ANKLE2: variants seen among roughly 807,000 people sequenced by gnomAD.
ANKLE2 encodes ankyrin repeat and LEM domain-containing protein 2.
Under a neutral mutation model 84.2 loss-of-function variants are expected in ANKLE2, and 55 were observed. The ratio of observed to expected loss-of-function variants is 0.65; its 90% CI spans 0.53 to 0.82. The LOEUF is 0.82. ANKLE2 is among the 40% of genes least tolerant of loss of function. ANKLE2 has a pLI of 0.00. For synonymous variants in ANKLE2, 551 were observed against 486.1 expected (o/e 1.13, Z -1.76); for missense variants, 1,238 against 1,201.9 (o/e 1.03, Z -0.44).
At chr12:132,732,947 T>C (rs1467373901) in intron 10 of ANKLE2, among the ~76,000 whole-genome samples, 1 of 128,304 alleles carries the variant, frequency 7.8e-6, no homozygotes. Context: ...CGTGTGAAGC[T>C]CTCTGCGTCC....
intron 5 of ANKLE2, among the ~76,000 whole-genome samples, chr12:132,744,902 G>A (rs1176748026): frequency 6.6e-6 from 1 of 152,044 alleles, no homozygotes; most frequent in East Asian, 1.9e-4. Context: ...GGATGGTCTC[G>A]ATCTCCTGAC....
In ANKLE2 at chr12:132,747,384, G is replaced by A. The variant is rs191812044; in HGVS notation, c.1230+448C>T. Among the ~76,000 whole-genome samples, 117 of 150,314 alleles carry A rather than the reference G, an allele frequency of 7.8e-4. 1 individual carries two copies. The East Asian group carries it at 0.021, about 27-fold the overall frequency. On this transcript the variant is annotated intron_variant, in intron 5 of 12. Coordinates refer to ENST00000357997, the MANE Select transcript of ANKLE2 (RefSeq NM_015114.3). ...TCTCTCTCCACAGCCCTGCGTGTCA[G>A]GCAGCCTCTCTCTCTCTCCACAGCC...
intron 5 of ANKLE2, among the ~76,000 whole-genome samples, chr12:132,747,409 C>T (rs1040021284): frequency 1.3e-5 from 2 of 152,044 alleles, no homozygotes; most frequent in African/African-American, 2.4e-5. Flanking sequence ...TCTCCACAGC[C>T]CTGCGTGTCA....
rs763849905 is a variant in ANKLE2, at chr12:132,741,501, G to C, written c.1354-16C>G. ...CACAAATTACCTATTGGAAAAAAAA[G>C]TGTGTCTAAATCTTATTTGATCGCA... On this transcript the variant is annotated splice_polypyrimidine_tract_variant and intron_variant, in intron 6 of 12. Transcript: ENST00000357997. 2 of 1,611,002 alleles carry C rather than the reference G, an allele frequency of 1.2e-6. No individual in the cohort carries two copies. The highest frequency in any genetic ancestry group is 1.3e-5 in the African/African-American group (1 of 74,880).
chr12:132,740,926 GGAA>G (rs1373453842), intron 7 of ANKLE2, among the ~76,000 whole-genome samples: 2 of 152,148 alleles, frequency 1.3e-5, no homozygotes, highest in Non-Finnish European at 2.9e-5. Flanking sequence ...TACAGGAGGA[GGAA>G]GGAGGCAGCT....
In ANKLE2 at chr12:132,741,505, G is replaced by C; in HGVS notation, c.1354-20C>G. Reference sequence around the variant, plus strand: ...AATTACCTATTGGAAAAAAAAGTGTGTCTAAATCTTATTTGATCGCAACAT... The same window carrying C: ...AATTACCTATTGGAAAAAAAAGTGTCTCTAAATCTTATTTGATCGCAACAT... On this transcript the variant is annotated intron_variant, in intron 6 of 12. Coordinates refer to ENST00000357997, the MANE Select transcript of ANKLE2 (RefSeq NM_015114.3). 1 of 1,609,278 alleles carries C rather than the reference G, an allele frequency of 6.2e-7. No individual in the cohort carries two copies. The highest frequency in any genetic ancestry group is 8.5e-7 in the Non-Finnish European group (1 of 1,175,908).
chr12:132,732,681 T>G (rs867468461), intron 10 of ANKLE2, among the ~76,000 whole-genome samples: 70 of 77,078 alleles, frequency 9.1e-4, no homozygotes, highest in Admixed American at 1.5e-3. Flanking sequence ...CGTGTGAAGC[T>G]CTCTGCGTCC....
intron 8 of ANKLE2, among the ~76,000 whole-genome samples, chr12:132,735,803 T>G (rs547975639): frequency 6.6e-6 from 1 of 152,210 alleles, no homozygotes; most frequent in Non-Finnish European, 1.5e-5. Context: ...CTGAGGACAG[T>G]GGACGGCTCG....
intron 6 of ANKLE2, 137 bp from the exon 7 acceptor site, chr12:132,741,622 C>CGTTT: frequency 3.5e-6 from 3 of 852,716 alleles, no homozygotes; most frequent in Non-Finnish European, 5.6e-6. Flanking sequence ...AAAGCTCACA[C>CGTTT]TCAGAAAACG....
chr12:132,754,112 G>C (rs1593180298), intron 2 of ANKLE2, among the ~76,000 whole-genome samples: 1 of 151,934 alleles, frequency 6.6e-6, no homozygotes, highest in African/African-American at 2.4e-5. Flanking sequence ...CGCGGTGGCA[G>C]GCGCCTGTAA....
In ANKLE2 at chr12:132,754,678, T is replaced by A; in HGVS notation, c.637A>T (p.Asn213Tyr). ...CPVYEDVPARNERIYVYENKK... is the reference protein window; with the variant it reads ...CPVYEDVPARYERIYVYENKK... Reference sequence around the variant, plus strand: ...ATCCTACACACGGTCCCATTACCATTTCTCGCTGGGACGTCCTCATACACT... The same window carrying A: ...ATCCTACACACGGTCCCATTACCATATCTCGCTGGGACGTCCTCATACACT... The change falls in exon 2 of 13, where the codon AAT becomes TAT. Residue 213 changes from asparagine (N) to tyrosine (Y), a missense_variant. By Grantham distance (143) the Asn-to-Tyr change is moderately radical. Around this residue, in one of 3 missense-constraint regions of ANKLE2, gnomAD observed 422 missense variants for 394.5 expected, o/e 1.07. Coordinates refer to ENST00000357997, the MANE Select transcript of ANKLE2 (RefSeq NM_015114.3). The A allele has an allele frequency of 6.3e-7, 1 of 1,599,200 alleles. No homozygotes were observed. The highest frequency in any genetic ancestry group is 8.5e-7 in the Non-Finnish European group (1 of 1,170,574).
intron 9 of ANKLE2, chr12:132,735,199 G>A (rs2043983420): frequency 3.4e-6 from 2 of 582,182 alleles, no homozygotes; most frequent in African/African-American, 3.8e-5. Context: ...GGAAGGCACT[G>A]CAGACATCCC....
At chr12:132,749,813 C>G (rs1053181370) in intron 3 of ANKLE2, among the ~76,000 whole-genome samples, 1 of 152,154 alleles carries the variant, frequency 6.6e-6, no homozygotes, top group African/African-American at 2.4e-5. Context: ...ACAGATAAGC[C>G]CGCCTTCTCC....
At chr12:132,739,566 G>A (rs1331762531) in intron 7 of ANKLE2, among the ~76,000 whole-genome samples, 1 of 152,054 alleles carries the variant, frequency 6.6e-6, no homozygotes, top group East Asian at 1.9e-4. Context: ...TACTTTTTTG[G>A]CATATTGATT....
rs753762676 is a variant in ANKLE2 at position 132,748,128 on chromosome 12, C to T, written c.1041+10G>A. On this transcript the variant is annotated intron_variant, in intron 4 of 12. Transcript: ENST00000357997. ...CCGCACACCTGCCCGAGGGAACCGC[C>T]GAGACCTACCTGCACGATAGTGGGG... The T allele has an allele frequency of 4.3e-6, 7 of 1,611,336 alleles. No homozygotes were observed. The highest frequency in any genetic ancestry group is 2.2e-5 in the South Asian group (2 of 90,762).
chr12:132,730,978 G>A (rs944763673), intron 10 of ANKLE2: 5 of 152,276 alleles, frequency 3.3e-5, no homozygotes, highest in African/African-American at 1.2e-4. Flanking sequence ...GTGTCACAGT[G>A]CCCCAGAGGA....
At chr12:132,761,405 C>T (rs1408419336) in intron 1 of ANKLE2, 7 of 367,404 alleles carry the variant, frequency 1.9e-5, no homozygotes, top group Non-Finnish European at 2.3e-5. Flanking sequence ...CCGAACCCGG[C>T]GTGGCCCCTC....
Position 132,729,979 on chromosome 12 carries a change from G to A in ANKLE2, c.2183C>T (p.Pro728Leu), listed in dbSNP as rs1305241254. 4.3e-6 allele frequency: 7 copies of A among 1,613,314 alleles called. No individual in the cohort carries two copies. Among genetic ancestry groups the A allele is most frequent in the Non-Finnish European group, 5.9e-6 (7 of 1,179,936 alleles). ...AAACTCAACAGTCAAATCCGAGACA[G>A]GTGGCAGATGGGCTTCCTCCCCACG... is the stretch of plus-strand genomic sequence containing the variant. ...APRGEEAHLP[P>L]VSDLTVEFDK... The change falls in exon 11 of 13, where the codon CCT becomes CTT. Residue 728 changes from proline to leucine, a missense_variant. This residue lies in a region of ANKLE2 where 802 missense variants were observed against 774.5 expected (regional missense o/e 1.04). Coordinates refer to ENST00000357997, the MANE Select transcript of ANKLE2 (RefSeq NM_015114.3).
chr12:132,748,415 C>T, intron 3 of ANKLE2, 84 bp from the exon 4 acceptor site: 1 of 1,488,614 alleles, frequency 6.7e-7, no homozygotes, highest in Non-Finnish European at 9.2e-7. Context: ...GAGGGATAAG[C>T]AGCTTTCCAC....
Sources: allele counts gnomAD v4.1 joint callset (sites outside exome capture counted in the v4.1 genomes callset), GRCh38; gene constraint gnomAD v4.1.1; regional missense constraint gnomAD v4.1.1; transcripts MANE v1.5; gene names NCBI Gene and HGNC (gene_info 2026-07-23, HGNC 2026-07-21).